Variants in CLEC16A observed in about 807,000 individuals in gnomAD.
The protein encoded by CLEC16A is C-type lectin domain containing 16A, also known as protein CLEC16A.
Under a neutral mutation model 109.5 loss-of-function variants are expected in CLEC16A, and 51 were observed. That is an observed-to-expected ratio of 0.47 (90% CI 0.37 to 0.59). CLEC16A has a LOEUF of 0.59. Ranked by LOEUF, CLEC16A falls within the 20% of genes least tolerant of loss-of-function variation. CLEC16A has a pLI of 0.00. For missense variants in CLEC16A, 1,339 were observed against 1,394.0 expected (o/e 0.96, Z 0.63); for synonymous variants, 673 against 564.2 (o/e 1.19, Z -2.73).
intron 19 of CLEC16A, among the ~76,000 whole-genome samples, chr16:11,087,407 A>G (rs1289346265): frequency 6.6e-6 from 1 of 152,242 alleles, no homozygotes; most frequent in Non-Finnish European, 1.5e-5. Context: ...GGGAGAGTGA[A>G]GCAGTTAACA....
chr16:10,961,478 G>A lies in CLEC16A; in HGVS notation c.210-977G>A, dbSNP rs569930284. Among the ~76,000 whole-genome samples the A allele has an allele frequency of 1.7e-3, 253 of 152,278 alleles. No individual in the cohort carries two copies. Among genetic ancestry groups the A allele is most frequent in the Non-Finnish European group, 3.0e-3 (203 of 68,020 alleles). ...ATGCAAGATTATCTGGTGTTAGCTTGAGTACAGAGAACACATAACTAGAAA... is the reference window on the plus strand; with the variant it reads ...ATGCAAGATTATCTGGTGTTAGCTTAAGTACAGAGAACACATAACTAGAAA... On this transcript the variant is annotated intron_variant, in intron 2 of 23. Transcript: ENST00000409790. The surrounding 1 kb of genome is among the most constrained non-coding windows in gnomAD (Gnocchi z 4.3).
intron 16 of CLEC16A, 180 bp downstream of exon 16, chr16:11,044,252 C>T (rs892016799): frequency 4.4e-6 from 2 of 451,316 alleles, no homozygotes; most frequent in African/African-American, 2.0e-5. Flanking sequence ...CTTTTCTGTC[C>T]AAGCTGTCTT....
At chr16:11,141,037 C>G (rs2053801223) in intron 22 of CLEC16A, among the ~76,000 whole-genome samples, 1 of 152,240 alleles carries the variant, frequency 6.6e-6, no homozygotes, top group African/African-American at 2.4e-5. Context: ...GGAGCCAGGG[C>G]TCAGACGGAT....
chr16:11,141,604 G>A (rs1020310892), intron 22 of CLEC16A, among the ~76,000 whole-genome samples: 13 of 152,256 alleles, frequency 8.5e-5, no homozygotes, highest in Admixed American at 3.3e-4. Flanking sequence ...TGGACCTGAC[G>A]CATGTCTGTC....
chr16:10,981,377 G>T (rs1379008768), intron 9 of CLEC16A, among the ~76,000 whole-genome samples: 1 of 152,184 alleles, frequency 6.6e-6, no homozygotes, highest in African/African-American at 2.4e-5. Context: ...AGCCTTGGAC[G>T]TGGGTTAACT....
chr16:11,104,283 T>TTA (rs1555488598), intron 19 of CLEC16A, among the ~76,000 whole-genome samples: 8 of 150,990 alleles, frequency 5.3e-5, no homozygotes, highest in East Asian at 1.9e-4. Context: ...TAATTTTTTT[T>TTA]TTATTAAAAT....
intron 19 of CLEC16A, among the ~76,000 whole-genome samples, chr16:11,101,195 A>C (rs2050894307): frequency 6.6e-6 from 1 of 152,234 alleles, no homozygotes. Flanking sequence ...ATTTCACTGA[A>C]TAATGATAGG....
intron 2 of CLEC16A, among the ~76,000 whole-genome samples, chr16:10,959,961 G>C (rs1349067904): frequency 6.6e-6 from 1 of 152,066 alleles, no homozygotes; most frequent in African/African-American, 2.4e-5. Flanking sequence ...CTGTCCATCT[G>C]TCATCTTAGA....
intron 22 of CLEC16A, among the ~76,000 whole-genome samples, chr16:11,161,334 G>A (rs529769908): frequency 1.3e-5 from 2 of 152,340 alleles, no homozygotes; most frequent in African/African-American, 4.8e-5. Flanking sequence ...CTTATGCAAA[G>A]ACTCCTCCCA....
Position 10,946,635 on chromosome 16 carries a change from C to G in CLEC16A, c.80+1838C>G, listed in dbSNP as rs74411072. ...AGTTATCCAGAGGAGGTTGGGCCTC[C>G]TGCCGGCATCCAGGTACCTCCAGGT... is the stretch of plus-strand genomic sequence containing the variant. On this transcript the variant is annotated intron_variant, in intron 1 of 23. Coordinates refer to ENST00000409790, the MANE Select transcript of CLEC16A (RefSeq NM_015226.3). Among the ~76,000 whole-genome samples the G allele has an allele frequency of 5.4e-3, 826 of 152,208 alleles. 6 individuals are homozygous for G. The highest frequency in any genetic ancestry group is 0.031 in the Middle Eastern group (9 of 294).
chr16:11,166,381 C>G lies in CLEC16A; in HGVS notation c.2642-7C>G, dbSNP rs200903049. 1 of 1,593,938 alleles carries G rather than the reference C, an allele frequency of 6.3e-7. No homozygotes were observed. The highest frequency in any genetic ancestry group is 8.5e-7 in the Non-Finnish European group (1 of 1,174,008). On this transcript the variant is annotated splice_polypyrimidine_tract_variant and splice_region_variant and intron_variant, in intron 22 of 23. Coordinates refer to ENST00000409790, the MANE Select transcript of CLEC16A (RefSeq NM_015226.3). ...TCCACTTGGTCACCTGGTACTTTGT[C>G]TTGCAGGCTTCGCCGTGGCCCAGTG...
At position 11,027,755 on chromosome 16, in the gene CLEC16A, G is replaced by C. The variant is rs979742946; in HGVS notation, c.1537+2834G>C. The stretch of plus-strand genomic sequence containing the variant: ...AACGCATCAATCAGCTCATCCGCCA[G>C]CTGAACTAGACCCAGGTGCCAAACT... On this transcript the variant is annotated intron_variant, in intron 13 of 23. Transcript: ENST00000409790. The C allele has an allele frequency of 3.4e-6, 5 of 1,459,830 alleles. No homozygotes were observed. The African/African-American group carries it at 6.9e-5, about 20-fold the overall frequency. 90.4% of individuals were successfully genotyped at this position (1,459,830 alleles called of 1,614,324 possible).
chr16:11,108,105 A>G (rs926391778), intron 19 of CLEC16A, among the ~76,000 whole-genome samples: 3 of 152,220 alleles, frequency 2.0e-5, no homozygotes, highest in Non-Finnish European at 2.9e-5. Flanking sequence ...TGATTCCCCA[A>G]GTGTCCAGCA....
intron 10 of CLEC16A, among the ~76,000 whole-genome samples, chr16:10,991,029 T>C (rs2043974821): frequency 6.6e-6 from 1 of 152,174 alleles, no homozygotes; most frequent in Non-Finnish European, 1.5e-5. Flanking sequence ...TTCTAGGCCC[T>C]GGAGATATAT....
In CLEC16A at chr16:11,026,922, C is replaced by G. The variant is rs531224229; in HGVS notation, c.1537+2001C>G. On this transcript the variant is annotated intron_variant, in intron 13 of 23. Coordinates refer to ENST00000409790, the MANE Select transcript of CLEC16A (RefSeq NM_015226.3). ...AGTGAACGCTGACTGGGTCCTCCAGCGTGAGCTAGAACAGACGTCTCTATG... is the reference window on the plus strand; with the variant it reads ...AGTGAACGCTGACTGGGTCCTCCAGGGTGAGCTAGAACAGACGTCTCTATG... 1.1e-5 allele frequency: 11 copies of G among 972,742 alleles called. No individual in the cohort carries two copies. The South Asian group carries it at 1.3e-4, about 12-fold the overall frequency. 60.3% of individuals were successfully genotyped at this position (972,742 alleles called of 1,614,324 possible).
chr16:10,997,070 T>C (rs1448731831), intron 10 of CLEC16A, among the ~76,000 whole-genome samples: 3 of 152,218 alleles, frequency 2.0e-5, no homozygotes, highest in Non-Finnish European at 2.9e-5. Context: ...CAAGTGATCT[T>C]CCTGCCTCAG....
At chr16:11,117,979 TTTTC>T (rs1171142917) in intron 19 of CLEC16A, among the ~76,000 whole-genome samples, 10 of 150,684 alleles carry the variant, frequency 6.6e-5, no homozygotes, top group Non-Finnish European at 1.0e-4. Flanking sequence ...TTTTCTTTTC[TTTTC>T]TTTTTTTTTA....
chr16:11,053,007 C>T (rs1176331108), intron 18 of CLEC16A, among the ~76,000 whole-genome samples: 2 of 152,144 alleles, frequency 1.3e-5, no homozygotes, highest in African/African-American at 4.8e-5. Context: ...CATCCTCCCA[C>T]CTCAGCGTCG....
At chr16:10,980,021 A>G (rs1262712744) in intron 9 of CLEC16A, among the ~76,000 whole-genome samples, 2 of 152,236 alleles carry the variant, frequency 1.3e-5, no homozygotes, top group East Asian at 3.8e-4. Flanking sequence ...TATTTTTATT[A>G]CAAGCAGTCC....
Sources: allele counts gnomAD v4.1 joint callset (sites outside exome capture counted in the v4.1 genomes callset), GRCh38; gene constraint gnomAD v4.1.1; non-coding constraint Gnocchi (gnomAD v3.1); transcripts MANE v1.5; gene names NCBI Gene and HGNC (gene_info 2026-07-23, HGNC 2026-07-21).